TFAP2A: variants seen among roughly 807,000 people sequenced by gnomAD.
TFAP2A encodes transcription factor AP-2 alpha, also known as transcription factor AP-2-alpha.
Under a neutral mutation model 41.5 loss-of-function variants are expected in TFAP2A, and 7 were observed. The ratio of observed to expected loss-of-function variants is 0.17; its 90% CI spans 0.10 to 0.32. TFAP2A has a LOEUF of 0.32. TFAP2A is among the 10% of genes least tolerant of loss of function. The pLI is 1.00. For synonymous variants in TFAP2A, 247 were observed against 242.8 expected (o/e 1.02, Z -0.16); for missense variants, 416 against 563.3 (o/e 0.74, Z 2.65).
chr6:10,415,374 G>C (rs138880362), upstream of TFAP2A: 1 of 918,306 alleles, frequency 1.1e-6, no homozygotes. Flanking sequence ...CGGCCGCTCC[G>C]ACACAGGTAT....
intron 4 of TFAP2A, among the ~76,000 whole-genome samples, chr6:10,404,193 G>T (rs1444322480): frequency 1.3e-5 from 2 of 152,214 alleles, no homozygotes; most frequent in Non-Finnish European, 2.9e-5. Flanking sequence ...TTGAGCCCGC[G>T]GCGGAGCGAG....
upstream of TFAP2A, chr6:10,415,726 C>G (rs1216152753): frequency 6.6e-6 from 1 of 152,410 alleles, no homozygotes; most frequent in Admixed American, 6.5e-5. Flanking sequence ...AAACCAAGAC[C>G]GGCGAAGTCA....
In TFAP2A at chr6:10,404,488, G is replaced by A; in HGVS notation, c.770+20C>T. The A allele has an allele frequency of 6.5e-7, 1 of 1,533,146 alleles. No homozygotes were observed. Among genetic ancestry groups the A allele is most frequent in the South Asian group, 1.2e-5 (1 of 82,644 alleles). 95.0% of individuals were successfully genotyped at this position (1,533,146 alleles called of 1,614,324 possible). On this transcript the variant is annotated intron_variant, in intron 4 of 6. Coordinates refer to ENST00000379613, the MANE Select transcript of TFAP2A (RefSeq NM_001372066.1). ...CCCCCGGCCGCGGGGCGGGGCGGGCGGGGCCGTGCCGGGCCTCACCTCCGG... is the reference window on the plus strand; with the variant it reads ...CCCCCGGCCGCGGGGCGGGGCGGGCAGGGCCGTGCCGGGCCTCACCTCCGG...
At chr6:10,403,262 C>G (rs932566920) in intron 4 of TFAP2A, among the ~76,000 whole-genome samples, 11 of 152,174 alleles carry the variant, frequency 7.2e-5, no homozygotes, top group Non-Finnish European at 1.5e-5. Flanking sequence ...AATAAAACAG[C>G]AAATTAATTA....
At chr6:10,419,110 G>A (rs1758342362), upstream of TFAP2A, among the ~76,000 whole-genome samples, 1 of 152,104 alleles carries the variant, frequency 6.6e-6, no homozygotes, top group Admixed American at 6.5e-5. Flanking sequence ...GTGGGAGGGG[G>A]GTGGGGGAAA....
rs570573891 is a variant in TFAP2A, at chr6:10,404,856, G to A, written c.539-117C>T. 31 of 880,042 alleles carry A rather than the reference G, an allele frequency of 3.5e-5. No individual in the cohort carries two copies. The African/African-American group carries it at 3.7e-4, about 10-fold the overall frequency. 54.5% of individuals were successfully genotyped at this position (880,042 alleles called of 1,614,324 possible). On this transcript the variant is annotated intron_variant, in intron 3 of 6. Transcript: ENST00000379613. ...TCCCAGGCTTTGGGCCACAGTCCCC[G>A]CTTTTCCGTCCGGCTCTGAAATTCT... is the stretch of plus-strand genomic sequence containing the variant.
intron 1 of TFAP2A, 104 bp from the exon 2 acceptor site, chr6:10,410,439 T>C (rs1181957208): frequency 7.4e-6 from 9 of 1,218,560 alleles, no homozygotes; most frequent in Non-Finnish European, 1.1e-5. Flanking sequence ...AATCGCCCGT[T>C]CCCGTTGGCT....
At position 10,411,669 on chromosome 6, in the gene TFAP2A, G is replaced by A. The variant is rs559662546; in HGVS notation, c.52-1334C>T. 157 of 1,607,392 alleles carry A rather than the reference G, an allele frequency of 9.8e-5. No individual in the cohort carries two copies. In the African/African-American group the frequency reaches 1.3e-3, roughly 14 times the overall value. On this transcript the variant is annotated intron_variant, in intron 1 of 6. Transcript: ENST00000379613. ...GCCTGGAGCGCCCGGCTGCCCCGCCGCCCGAGCGCGCCCCACACAAAAGGC... is the reference window on the plus strand; with the variant it reads ...GCCTGGAGCGCCCGGCTGCCCCGCCACCCGAGCGCGCCCCACACAAAAGGC...
chr6:10,411,821 C>T (rs1757985160), intron 1 of TFAP2A: 1 of 1,432,388 alleles, frequency 7.0e-7, no homozygotes. Context: ...TGGTCGAACC[C>T]ACGGTCTCTA....
At chr6:10,417,727 G>A (rs1389660417), upstream of TFAP2A, among the ~76,000 whole-genome samples, 2 of 152,170 alleles carry the variant, frequency 1.3e-5, no homozygotes, top group African/African-American at 4.8e-5. Flanking sequence ...GAGCCCAACA[G>A]GCCCAGCCCA....
Position 10,404,582 on chromosome 6 carries a change from C to A in TFAP2A, c.696G>T (p.Thr232=). The A allele has an allele frequency of 6.2e-7, 1 of 1,614,150 alleles. No homozygotes were observed. Among genetic ancestry groups the A allele is most frequent in the Non-Finnish European group, 8.5e-7 (1 of 1,180,008 alleles). Reference sequence around the variant, plus strand: ...AGAGCCGCCGCTGCACTTCCGCCACCGTGACCTTGTACTTCGAGGTGGAGC... The same window carrying A: ...AGAGCCGCCGCTGCACTTCCGCCACAGTGACCTTGTACTTCGAGGTGGAGC... The part of the protein sequence containing the change: ...LLSSTSKYKV[T]VAEVQRRLSP... The change falls in exon 4 of 7, where the codon ACG becomes ACT. Residue 232 remains threonine (T), a synonymous_variant. Transcript: ENST00000379613.
At chr6:10,419,519 C>G, upstream of TFAP2A, 1 of 1,595,984 alleles carries the variant, frequency 6.3e-7, no homozygotes, top group Admixed American at 1.7e-5. Flanking sequence ...GGGCCAGCTC[C>G]CTGGAATCGC....
Position 10,398,759 on chromosome 6 carries a change from C to T in TFAP2A, c.1032-54G>A. 1 of 1,593,916 alleles carries T rather than the reference C, an allele frequency of 6.3e-7. No individual in the cohort carries two copies. The highest frequency in any genetic ancestry group is 1.1e-5 in the South Asian group (1 of 90,090). On this transcript the variant is annotated intron_variant, in intron 6 of 6. Coordinates refer to ENST00000379613, the MANE Select transcript of TFAP2A (RefSeq NM_001372066.1). The surrounding 1 kb of genome is among the most constrained non-coding windows in gnomAD (Gnocchi z 5.3). ...ACATAAGGCTCCACTATGGGCAGCACTAGCAGCAAAGAGAAAACCTCCCTC... is the reference window on the plus strand; with the variant it reads ...ACATAAGGCTCCACTATGGGCAGCATTAGCAGCAAAGAGAAAACCTCCCTC...
At chr6:10,411,895 G>A in intron 1 of TFAP2A, 1 of 1,287,390 alleles carries the variant, frequency 7.8e-7, no homozygotes, top group Non-Finnish European at 9.9e-7. Context: ...AAAGGAAAAA[G>A]GAAAAAGTAT....
rs1761887576 is a variant in TFAP2A at position 10,398,643 on chromosome 6, C to T, written c.1094G>A (p.Arg365Gln). The stretch of plus-strand genomic sequence containing the variant: ...GCCGGGCTCCAGGATGGGGTTGGGC[C>T]GTGAGTTCCCCAGGGGAGATCGGTC... Reference protein sequence around the residue: ...AQDRSPLGNSRPNPILEPGIQ... With the variant: ...AQDRSPLGNSQPNPILEPGIQ... The change falls in exon 7 of 7, where the codon CGG becomes CAG. Residue 365 changes from arginine to glutamine, a missense_variant. By Grantham distance (43) the Arg-to-Gln change is conservative. Around this residue, in one of 3 missense-constraint regions of TFAP2A, gnomAD observed 116 missense variants for 153.8 expected, o/e 0.75. Transcript: ENST00000379613. The surrounding 1 kb of genome is among the most constrained non-coding windows in gnomAD (Gnocchi z 5.3). The T allele has an allele frequency of 2.5e-6, 4 of 1,614,064 alleles. No individual in the cohort carries two copies. In the African/African-American group the frequency reaches 4.0e-5, roughly 16 times the overall value.
chr6:10,397,804 T>G lies in TFAP2A; in HGVS notation c.*613A>C, dbSNP rs184322632. ...CCAGAGAAAGTTCAAGTTGGTCGCT[T>G]TACCTTAAAGAGGAAAAACTTCTAC... On this transcript the variant is annotated 3_prime_UTR_variant, in exon 7 of 7. Transcript: ENST00000379613. The G allele has an allele frequency of 4.2e-5, 41 of 978,516 alleles. No homozygotes were observed. The highest frequency in any genetic ancestry group is 1.2e-4 in the Admixed American group (2 of 16,302). 60.6% of individuals were successfully genotyped at this position (978,516 alleles called of 1,614,324 possible). A position where few individuals can be genotyped will look rare whatever the true frequency, so the allele number is the denominator to read the frequency against.
In TFAP2A at chr6:10,398,094, G is replaced by T; in HGVS notation, c.*323C>A. The T allele has an allele frequency of 8.4e-7, 1 of 1,185,236 alleles. No homozygotes were observed. Among genetic ancestry groups the T allele is most frequent in the Non-Finnish European group, 1.0e-6 (1 of 957,876 alleles). 73.4% of individuals were successfully genotyped at this position (1,185,236 alleles called of 1,614,324 possible). ...TTTGTTGTTTTGTTTAAAAAAAAAA[G>T]GGTTCACAAACTTGGCAGAACTTTT... On this transcript the variant is annotated 3_prime_UTR_variant, in exon 7 of 7. Coordinates refer to ENST00000379613, the MANE Select transcript of TFAP2A (RefSeq NM_001372066.1). This position sits in a 1 kb window ranked among gnomAD's most constrained non-coding sequence, Gnocchi z 5.3.
intron 6 of TFAP2A, 92 bp downstream of exon 6, chr6:10,400,356 G>C (rs983381402): frequency 7.9e-6 from 12 of 1,523,644 alleles, no homozygotes; most frequent in Middle Eastern, 1.7e-4. Context: ...AACACAAAAG[G>C]AAAACAAGGG....
Position 10,404,758 on chromosome 6 carries a change from G to A in TFAP2A, c.539-19C>T, listed in dbSNP as rs375564449. On this transcript the variant is annotated intron_variant, in intron 3 of 6. Transcript: ENST00000379613. ...ACGGGGCCTGCGGAGACAGAGGGGA[G>A]GCCGCGTGTTGGGCGTCGTGGATCA... 31 of 1,609,590 alleles carry A rather than the reference G, an allele frequency of 1.9e-5. No individual in the cohort carries two copies. Among genetic ancestry groups the A allele is most frequent in the Non-Finnish European group, 2.5e-5 (29 of 1,176,114 alleles).
Sources: allele counts gnomAD v4.1 joint callset (sites outside exome capture counted in the v4.1 genomes callset), GRCh38; gene constraint gnomAD v4.1.1; regional missense constraint gnomAD v4.1.1; non-coding constraint Gnocchi (gnomAD v3.1); transcripts MANE v1.5; gene names NCBI Gene and HGNC (gene_info 2026-07-23, HGNC 2026-07-21).